The following CNOT2 variants were observed in gnomAD, a reference collection of about 807,000 sequenced individuals.
CNOT2 encodes CCR4-NOT transcription complex subunit 2, also known as CC chemokine receptor 4-negative regulator of transcription 2.
A neutral mutation model predicts 72.1 loss-of-function variants in CNOT2; 7 were observed. The observed-to-expected ratio is 0.10, with a 90% CI of 0.06 to 0.18. CNOT2 has a LOEUF of 0.18. CNOT2 is among the 10% of genes least tolerant of loss of function. The pLI is 1.00. For synonymous variants in CNOT2, 196 were observed against 225.6 expected, an observed-to-expected ratio of 0.87 and a Z score of 1.17; for missense variants, 345 against 660.3, an observed-to-expected ratio of 0.52 and a Z score of 5.23.
At chr12:70,249,955 A>G (rs1958057411) in intron 1 of CNOT2, among the ~76,000 whole-genome samples, 1 of 152,082 alleles carries the variant, frequency 6.6e-6, no homozygotes, top group Non-Finnish European at 1.5e-5. Context: ...TAGAAAAAAA[A>G]TTGGAGCCAT....
At chr12:70,315,878 G>A (rs1460331231) in intron 3 of CNOT2, among the ~76,000 whole-genome samples, 1 of 152,036 alleles carries the variant, frequency 6.6e-6, no homozygotes, top group African/African-American at 2.4e-5. Context: ...ACTTTCTTTA[G>A]CCCCTTGGGC....
chr12:70,247,268 G>T (rs968339640), intron 1 of CNOT2, among the ~76,000 whole-genome samples: 1 of 151,772 alleles, frequency 6.6e-6, no homozygotes, highest in Admixed American at 6.6e-5. Context: ...GGGTTCAAGC[G>T]GTTCTCCTGC....
chr12:70,300,880 T>A lies in CNOT2; in HGVS notation c.49-10015T>A, dbSNP rs554863254. On this transcript the variant is annotated intron_variant, in intron 2 of 15. Coordinates refer to ENST00000229195, the MANE Select transcript of CNOT2 (RefSeq NM_014515.7). ...TGGAATGTTCTTCCATTTGTTTGTATCCTCTTTTATTTCATTGAGCAGTGG... is the reference window on the plus strand; with the variant it reads ...TGGAATGTTCTTCCATTTGTTTGTAACCTCTTTTATTTCATTGAGCAGTGG... Among the ~76,000 whole-genome samples, 721 of 152,342 alleles carry A rather than the reference T, an allele frequency of 4.7e-3. 6 individuals are homozygous for A. The highest frequency in any genetic ancestry group is 0.016 in the African/African-American group (646 of 41,574).
At chr12:70,328,726 A>C (rs1017443434) in intron 4 of CNOT2, among the ~76,000 whole-genome samples, 4 of 151,764 alleles carry the variant, frequency 2.6e-5, no homozygotes, top group East Asian at 3.9e-4. Context: ...TTTAAAAAAA[A>C]AAAAACCTAT....
intron 3 of CNOT2, among the ~76,000 whole-genome samples, chr12:70,313,043 ACT>A (rs748526618): frequency 6.6e-6 from 1 of 151,892 alleles, no homozygotes; most frequent in African/African-American, 2.4e-5. Context: ...TGTAATCACC[ACT>A]CTCCATGCCA....
At position 70,346,188 on chromosome 12, in the gene CNOT2, G is replaced by A; in HGVS notation, c.1400G>A (p.Arg467His). The change falls in exon 15 of 16, where the codon CGT becomes CAT. Residue 467 changes from arginine (R) to histidine (H), a missense_variant. By Grantham distance (29) the Arg-to-His change is conservative. Transcript: ENST00000229195. The part of the protein sequence containing the change: ...QLLAAVELFN[R>H]DWRYHKEERV... ...TCTTTTAAAAATTGAAGTTTTAACCGTGATTGGAGATACCACAAAGAAGAA... is the reference window on the plus strand; with the variant it reads ...TCTTTTAAAAATTGAAGTTTTAACCATGATTGGAGATACCACAAAGAAGAA... 6.2e-7 allele frequency: 1 copy of A among 1,603,542 alleles called. No individual in the cohort carries two copies. Among genetic ancestry groups the A allele is most frequent in the East Asian group, 2.2e-5 (1 of 44,732 alleles).
chr12:70,296,458 G>A (rs1359089784), intron 2 of CNOT2, among the ~76,000 whole-genome samples: 3 of 152,002 alleles, frequency 2.0e-5, no homozygotes, highest in African/African-American at 7.2e-5. Context: ...AAAACAATGA[G>A]TTGCTCTTAT....
At chr12:70,281,380 G>A (rs756914607) in intron 2 of CNOT2, among the ~76,000 whole-genome samples, 2 of 152,144 alleles carry the variant, frequency 1.3e-5, no homozygotes, top group African/African-American at 4.8e-5. Flanking sequence ...ACCGGTGCCC[G>A]ATCCGGCTTT....
chr12:70,337,904 A>G (rs1880913669), intron 9 of CNOT2: 1 of 344,010 alleles, frequency 2.9e-6, no homozygotes, highest in Admixed American at 4.3e-5. Flanking sequence ...CTGACTTAAC[A>G]AATATGTTTA....
At chr12:70,259,718 T>C (rs1958653557) in intron 1 of CNOT2, among the ~76,000 whole-genome samples, 2 of 152,354 alleles carry the variant, frequency 1.3e-5, no homozygotes, top group South Asian at 4.1e-4. Context: ...CTAGTACTCT[T>C]CTAACTGGTG....
intron 2 of CNOT2, among the ~76,000 whole-genome samples, chr12:70,295,439 A>G (rs1054463777): frequency 2.0e-5 from 3 of 152,012 alleles, no homozygotes; most frequent in Non-Finnish European, 4.4e-5. Context: ...TTTTTTCTCA[A>G]TATGTATTCA....
Position 70,343,862 on chromosome 12 carries a change from T to G in CNOT2, c.1291-266T>G, listed in dbSNP as rs1333867391. The G allele has an allele frequency of 1.6e-5, 5 of 316,808 alleles. No homozygotes were observed. The East Asian group carries it at 2.3e-4, about 14-fold the overall frequency. The allele number at this position is 316,808 out of a possible 1,614,324, so 19.6% of individuals were successfully genotyped here. A position where few individuals can be genotyped will look rare whatever the true frequency, so the allele number is the denominator to read the frequency against. ...TTAAATCCTTTTAGTGGATCTTGCTTGGAAGTCTTTATTGAGCTTTTCTTC... is the reference window on the plus strand; with the variant it reads ...TTAAATCCTTTTAGTGGATCTTGCTGGGAAGTCTTTATTGAGCTTTTCTTC... On this transcript the variant is annotated intron_variant, in intron 13 of 15. Coordinates refer to ENST00000229195, the MANE Select transcript of CNOT2 (RefSeq NM_014515.7).
In CNOT2 at chr12:70,257,565, C is replaced by T. The variant is rs866637317; in HGVS notation, c.-96+14085C>T. Among the ~76,000 whole-genome samples the T allele has an allele frequency of 5.9e-5, 9 of 151,600 alleles. No individual in the cohort carries two copies. The South Asian group carries it at 8.3e-4, about 14-fold the overall frequency. ...TTTTTTTTAAGTAGAGATGGGGTTT[C>T]ACCGTGTTAGCCAGGATGCTCTCGA... On this transcript the variant is annotated intron_variant, in intron 1 of 15. Coordinates refer to ENST00000229195, the MANE Select transcript of CNOT2 (RefSeq NM_014515.7).
intron 7 of CNOT2, chr12:70,334,947 G>A (rs1196765936): frequency 1.3e-5 from 2 of 153,682 alleles, no homozygotes; most frequent in Non-Finnish European, 2.9e-5. Flanking sequence ...ATTACAGGTG[G>A]AAGTCCTCAG....
At chr12:70,301,395 A>C (rs1251384417) in intron 2 of CNOT2, among the ~76,000 whole-genome samples, 7 of 152,222 alleles carry the variant, frequency 4.6e-5, no homozygotes. Flanking sequence ...GATATGTCCC[A>C]TCAATACCTA....
chr12:70,248,975 A>T (rs368047729), intron 1 of CNOT2, among the ~76,000 whole-genome samples: 1 of 152,056 alleles, frequency 6.6e-6, no homozygotes, highest in South Asian at 2.1e-4. Flanking sequence ...GTATCCTGGC[A>T]ATTTAGGTAA....
At chr12:70,251,939 A>G (rs1293760528) in intron 1 of CNOT2, among the ~76,000 whole-genome samples, 1 of 152,198 alleles carries the variant, frequency 6.6e-6, no homozygotes, top group Admixed American at 6.5e-5. Flanking sequence ...AATAATACCA[A>G]GAAAATCTAA....
intron 2 of CNOT2, among the ~76,000 whole-genome samples, chr12:70,298,276 C>G (rs1347731287): frequency 6.6e-6 from 1 of 152,112 alleles, no homozygotes. Context: ...ATATAAGGAC[C>G]TTCCTCCTCC....
At chr12:70,300,072 G>GTTTT in intron 2 of CNOT2, among the ~76,000 whole-genome samples, 1 of 151,674 alleles carries the variant, frequency 6.6e-6, no homozygotes, top group African/African-American at 2.4e-5. Context: ...TGATGGGGTT[G>GTTTT]TTTTTTCTTG....
Sources: allele counts gnomAD v4.1 joint callset (sites outside exome capture counted in the v4.1 genomes callset), GRCh38; gene constraint gnomAD v4.1.1; transcripts MANE v1.5; gene names NCBI Gene and HGNC (gene_info 2026-07-23, HGNC 2026-07-21).